Variants in VWC2L observed in about 807,000 individuals in gnomAD.
VWC2L encodes von Willebrand factor C domain containing 2 like.
In VWC2L, 10 loss-of-function variants were observed where a neutral mutation model predicts 21.6. That is an observed-to-expected ratio of 0.46 (90% CI 0.29 to 0.78). The LOEUF (loss-of-function observed/expected upper bound fraction) is 0.78, where lower values mean the gene tolerates loss of function less well. Ranked by LOEUF, VWC2L falls within the 30% of genes least tolerant of loss-of-function variation. The pLI is 0.10. For missense variants in VWC2L, 209 were observed against 277.1 expected (o/e 0.75, Z 1.74); for synonymous variants, 96 against 94.3 (o/e 1.02, Z -0.10).
chr2:214,498,873 T>C (rs531707072), intron 3 of VWC2L, among the ~76,000 whole-genome samples: 23 of 151,502 alleles, frequency 1.5e-4, no homozygotes, highest in Admixed American at 7.9e-4. Context: ...TTGTAAACCA[T>C]TGTCTTATTC....
chr2:214,532,151 C>T (rs1689446140), intron 3 of VWC2L, among the ~76,000 whole-genome samples: 1 of 152,138 alleles, frequency 6.6e-6, no homozygotes, highest in Admixed American at 6.6e-5. Context: ...CATTAGTTGA[C>T]ATAACCCACT....
intron 3 of VWC2L, among the ~76,000 whole-genome samples, chr2:214,524,564 G>A (rs1029361774): frequency 5.3e-5 from 8 of 152,076 alleles, no homozygotes; most frequent in African/African-American, 1.2e-4. Context: ...TTCTGCATTC[G>A]TTCCACACGT....
chr2:214,572,144 A>G (rs978714869), intron 3 of VWC2L, among the ~76,000 whole-genome samples: 2 of 152,216 alleles, frequency 1.3e-5, no homozygotes. Context: ...GGCAACTACT[A>G]CATTCAGTTC....
At chr2:214,523,955 T>G (rs1689285736) in intron 3 of VWC2L, among the ~76,000 whole-genome samples, 1 of 152,212 alleles carries the variant, frequency 6.6e-6, no homozygotes, top group Non-Finnish European at 1.5e-5. Context: ...GGGTTTGTTT[T>G]AACTATGACG....
intron 2 of VWC2L, among the ~76,000 whole-genome samples, chr2:214,431,623 T>C (rs13416720): frequency 0.16 from 24,698 of 152,196 alleles, 2,066 homozygotes; most frequent in East Asian, 0.25. Context: ...TTTCAGAATA[T>C]TCAAAATGTG....
At chr2:214,550,677 C>T (rs546010783) in intron 3 of VWC2L, among the ~76,000 whole-genome samples, 1 of 152,234 alleles carries the variant, frequency 6.6e-6, no homozygotes, top group East Asian at 1.9e-4. Context: ...AGATTTTTTC[C>T]TGTTTATATA....
intron 3 of VWC2L, among the ~76,000 whole-genome samples, chr2:214,472,776 T>C (rs1407680595): frequency 6.6e-6 from 1 of 152,166 alleles, no homozygotes; most frequent in Non-Finnish European, 1.5e-5. Flanking sequence ...TTTAGAAAAT[T>C]TGTTTAGAAA....
At chr2:214,571,822 T>C (rs1024802133) in intron 3 of VWC2L, among the ~76,000 whole-genome samples, 3 of 152,264 alleles carry the variant, frequency 2.0e-5, no homozygotes, top group South Asian at 2.1e-4. Context: ...GGGCTCCCTG[T>C]ATTGCCCAGG....
chr2:214,440,323 A>G (rs942456540), intron 3 of VWC2L, among the ~76,000 whole-genome samples: 3 of 151,984 alleles, frequency 2.0e-5, no homozygotes, highest in African/African-American at 7.2e-5. Context: ...ATTATTAAGC[A>G]TTTATTTCTC....
Position 214,411,748 on chromosome 2 carries a change from G to A in VWC2L, c.-119G>A, listed in dbSNP as rs753610241. 3.3e-5 allele frequency: 5 copies of A among 152,136 alleles called. No homozygotes were observed. The highest frequency in any genetic ancestry group is 7.2e-5 in the African/African-American group (3 of 41,406). 9.4% of individuals were successfully genotyped at this position (152,136 alleles called of 1,614,324 possible). A position where few individuals can be genotyped will look rare whatever the true frequency, so the allele number is the denominator to read the frequency against. ...CTGACCTTTTAGTTCATTTTGGGCT[G>A]TGACCCCTACCACCACCATTAACCT... On this transcript the variant is annotated 5_prime_UTR_variant, in exon 1 of 4. The change creates a new upstream start codon in the 5' untranslated region. Transcript: ENST00000312504.
chr2:214,552,856 T>A (rs1689816124), intron 3 of VWC2L, among the ~76,000 whole-genome samples: 1 of 152,234 alleles, frequency 6.6e-6, no homozygotes, highest in Admixed American at 6.5e-5. Context: ...GCTTTCCACT[T>A]GTAAGCCAAA....
chr2:214,489,801 G>T (rs1232226092), intron 3 of VWC2L, among the ~76,000 whole-genome samples: 1 of 152,182 alleles, frequency 6.6e-6, no homozygotes, highest in Non-Finnish European at 1.5e-5. Context: ...CTGTGGGAGT[G>T]CTCTGCTCCA....
At chr2:214,468,884 A>G (rs1703263426) in intron 3 of VWC2L, among the ~76,000 whole-genome samples, 1 of 152,216 alleles carries the variant, frequency 6.6e-6, no homozygotes, top group African/African-American at 2.4e-5. Context: ...TATGGAATAC[A>G]CAAACTTTGT....
At chr2:214,413,426 C>A (rs1156320379) in intron 1 of VWC2L, among the ~76,000 whole-genome samples, 1 of 151,892 alleles carries the variant, frequency 6.6e-6, no homozygotes, top group Non-Finnish European at 1.5e-5. Context: ...ACATGGAATT[C>A]TCTTGTATTA....
At chr2:214,500,471 T>C (rs920580054) in intron 3 of VWC2L, among the ~76,000 whole-genome samples, 2 of 152,210 alleles carry the variant, frequency 1.3e-5, no homozygotes, top group African/African-American at 2.4e-5. Flanking sequence ...AGTCACTATA[T>C]GGCTACTGCA....
chr2:214,564,493 C>A (rs887138796), intron 3 of VWC2L, among the ~76,000 whole-genome samples: 3 of 151,784 alleles, frequency 2.0e-5, no homozygotes, highest in African/African-American at 7.3e-5. Context: ...ATTTCCAGCA[C>A]ATCTCAGGTT....
At chr2:214,424,644 A>T (rs542136645) in intron 2 of VWC2L, among the ~76,000 whole-genome samples, 1 of 152,358 alleles carries the variant, frequency 6.6e-6, no homozygotes, top group African/African-American at 2.4e-5. Flanking sequence ...TCACAAATTT[A>T]TGTGACAGTA....
At chr2:214,420,766 G>A (rs1413176000) in intron 2 of VWC2L, among the ~76,000 whole-genome samples, 1 of 152,194 alleles carries the variant, frequency 6.6e-6, no homozygotes, top group Non-Finnish European at 1.5e-5. Context: ...ATGCGGCAAA[G>A]ATAATTGGGG....
At chr2:214,478,988 T>G (rs1480512829) in intron 3 of VWC2L, among the ~76,000 whole-genome samples, 2 of 152,112 alleles carry the variant, frequency 1.3e-5, no homozygotes, top group Admixed American at 1.3e-4. Context: ...CACACATTCC[T>G]CTCCAAAGTG....
Sources: gnomAD v4.1 joint callset for allele counts (sites outside exome capture counted in the v4.1 genomes callset) on GRCh38, gnomAD v4.1.1 for gene constraint, MANE v1.5 for transcripts, NCBI Gene and HGNC (gene_info 2026-07-23, HGNC 2026-07-21) for gene names.